The following GABRB1 variants were observed in gnomAD, a reference collection of about 807,000 sequenced individuals.
GABRB1 encodes gamma-aminobutyric acid type A receptor subunit beta1.
In GABRB1, 17 loss-of-function variants were observed where a neutral mutation model predicts 51.6. The ratio of observed to expected loss-of-function variants is 0.33; its 90% confidence interval spans 0.23 to 0.49. GABRB1 has a LOEUF of 0.49. Ranked by LOEUF, GABRB1 falls within the 20% of genes least tolerant of loss-of-function variation. GABRB1 has a pLI of 0.99. For synonymous variants in GABRB1, 247 were observed against 218.9 expected (o/e 1.13, Z -1.14); for missense variants, 410 against 600.6 (o/e 0.68, Z 3.32).
At chr4:47,195,388 GA>G (rs1362344410) in intron 4 of GABRB1, among the ~76,000 whole-genome samples, 2 of 33,834 alleles carry the variant, frequency 5.9e-5, no homozygotes, top group Non-Finnish European at 7.8e-5. Context: ...TAGATAGATA[GA>G]TAGATGATAG....
chr4:47,059,384 C>T (rs1726753185), intron 3 of GABRB1, among the ~76,000 whole-genome samples: 1 of 152,098 alleles, frequency 6.6e-6, no homozygotes, highest in Non-Finnish European at 1.5e-5. Flanking sequence ...ATTGCCTAGG[C>T]TAGTCTTAAA....
chr4:47,009,789 C>T (rs1328833823), intron 1 of GABRB1, among the ~76,000 whole-genome samples: 1 of 152,166 alleles, frequency 6.6e-6, no homozygotes, highest in African/African-American at 2.4e-5. Flanking sequence ...TATGTATTGA[C>T]CACTGAGTGA....
intron 5 of GABRB1, among the ~76,000 whole-genome samples, chr4:47,344,604 G>A (rs746384634): frequency 2.0e-5 from 3 of 152,024 alleles, no homozygotes; most frequent in African/African-American, 7.2e-5. Flanking sequence ...CAACACAAGC[G>A]CTATAACTCA....
chr4:47,098,804 CCA>C (rs1164921583), intron 3 of GABRB1, among the ~76,000 whole-genome samples: 1 of 152,006 alleles, frequency 6.6e-6, no homozygotes, highest in Non-Finnish European at 1.5e-5. Flanking sequence ...TGATGTCAAT[CCA>C]GAGTTTTGCT....
chr4:47,315,811 A>C (rs567934441), intron 4 of GABRB1, among the ~76,000 whole-genome samples: 1 of 152,110 alleles, frequency 6.6e-6, no homozygotes, highest in South Asian at 2.1e-4. Context: ...GTTCTCACTT[A>C]TAAGTGGGAG....
At chr4:47,081,970 C>G (rs563405052) in intron 3 of GABRB1, among the ~76,000 whole-genome samples, 1 of 151,968 alleles carries the variant, frequency 6.6e-6, no homozygotes, top group African/African-American at 2.4e-5. Flanking sequence ...GCTTCTTTCA[C>G]AAAATCATTA....
At chr4:47,396,213 AAG>A (rs1476499156) in intron 5 of GABRB1, among the ~76,000 whole-genome samples, 1 of 152,146 alleles carries the variant, frequency 6.6e-6, no homozygotes, top group African/African-American at 2.4e-5. Flanking sequence ...GCAGCAGGTG[AAG>A]AGAGAGAGAA....
intron 1 of GABRB1, among the ~76,000 whole-genome samples, chr4:47,019,887 A>AGT (rs1553909554): frequency 1.3e-4 from 10 of 78,278 alleles, no homozygotes; most frequent in African/African-American, 6.2e-4. Context: ...ATATATATAT[A>AGT]ATATATGTAT....
intron 4 of GABRB1, among the ~76,000 whole-genome samples, chr4:47,236,440 A>C (rs770530464): frequency 6.6e-6 from 1 of 152,172 alleles, no homozygotes; most frequent in African/African-American, 2.4e-5. Flanking sequence ...TATGTATCTC[A>C]GTGTATTAAT....
rs79502442 is a variant in GABRB1, at chr4:47,301,099, A to C, written c.462-19028A>C. Among the ~76,000 whole-genome samples the C allele has an allele frequency of 5.4e-3, 815 of 152,282 alleles. 5 individuals are homozygous for C. The highest frequency in any genetic ancestry group is 0.018 in the African/African-American group (765 of 41,550). ...AAAGAAACAAAAATCAGTAGAGGGA[A>C]GGAAAATAGAGAAATTCAGTCAGCA... On this transcript the variant is annotated intron_variant, in intron 4 of 8. Transcript: ENST00000295454.
chr4:47,071,688 G>T (rs374077831), intron 3 of GABRB1, among the ~76,000 whole-genome samples: 4 of 141,912 alleles, frequency 2.8e-5, no homozygotes, highest in African/African-American at 1.1e-4. Context: ...GGAAATACTA[G>T]CTTGCATAAG....
chr4:47,347,362 A>C (rs1247488052), intron 5 of GABRB1, among the ~76,000 whole-genome samples: 1 of 152,154 alleles, frequency 6.6e-6, no homozygotes, highest in Non-Finnish European at 1.5e-5. Flanking sequence ...TCATTAATTC[A>C]GCCACATGAC....
chr4:47,200,217 C>A (rs1719844455), intron 4 of GABRB1, among the ~76,000 whole-genome samples: 1 of 152,050 alleles, frequency 6.6e-6, no homozygotes, highest in African/African-American at 2.4e-5. Context: ...AATTGAAGTA[C>A]CAGAAGGAAC....
chr4:47,271,146 G>GA (rs945750721), intron 4 of GABRB1, among the ~76,000 whole-genome samples: 1 of 152,014 alleles, frequency 6.6e-6, no homozygotes, highest in African/African-American at 2.4e-5. Flanking sequence ...AATGTTAGGG[G>GA]AAAAGTGCAT....
chr4:47,031,916 C>G lies in GABRB1; in HGVS notation c.83C>G (p.Thr28Ser), dbSNP rs1321035228. ...CGGTCCCTACTTCTTCCCCTTAGCA[C>G]CAATGAACCCAGCAACATGTCATAC... ...MITMVCCAHS[T>S]NEPSNMSYVK... The change falls in exon 2 of 9, where the codon ACC becomes AGC. Residue 28 changes from threonine (T) to serine (S), a missense_variant and splice_region_variant. Thr to Ser is a moderately conservative substitution (Grantham distance 58). Around this residue, in one of 5 missense-constraint regions of GABRB1, gnomAD observed 56 missense variants for 54.8 expected, o/e 1.02. Transcript: ENST00000295454. 1 of 1,613,640 alleles carries G rather than the reference C, an allele frequency of 6.2e-7. No homozygotes were observed. The highest frequency in any genetic ancestry group is 1.1e-5 in the South Asian group (1 of 91,066).
In GABRB1 at chr4:47,186,616, C is replaced by G. The variant is rs977270936; in HGVS notation, c.461+25147C>G. Among the ~76,000 whole-genome samples, 17 of 151,790 alleles carry G rather than the reference C, an allele frequency of 1.1e-4. 1 individual carries two copies. Among genetic ancestry groups the G allele is most frequent in the Admixed American group, 9.2e-4 (14 of 15,190 alleles). On this transcript the variant is annotated intron_variant, in intron 4 of 8. Coordinates refer to ENST00000295454, the MANE Select transcript of GABRB1 (RefSeq NM_000812.4). Reference sequence around the variant, plus strand: ...TATTTTTCTATACCTTTAAGTGTCCCCACCTATCCTAAGCTGATGATTTTG... The same window carrying G: ...TATTTTTCTATACCTTTAAGTGTCCGCACCTATCCTAAGCTGATGATTTTG...
At chr4:47,023,233 GA>G (rs976754526) in intron 1 of GABRB1, among the ~76,000 whole-genome samples, 1 of 151,852 alleles carries the variant, frequency 6.6e-6, no homozygotes, top group Non-Finnish European at 1.5e-5. Flanking sequence ...TACAAAAACA[GA>G]AAAAATGATG....
At chr4:47,145,764 G>C in intron 3 of GABRB1, among the ~76,000 whole-genome samples, 1 of 152,058 alleles carries the variant, frequency 6.6e-6, no homozygotes, top group Non-Finnish European at 1.5e-5. Flanking sequence ...AACATCAGAA[G>C]GGGACTGGCT....
In GABRB1 at chr4:47,322,219, A is replaced by G. The variant is rs544932649; in HGVS notation, c.544+2010A>G. 2.4e-3 allele frequency among the ~76,000 whole-genome samples: 362 copies of G among 152,326 alleles called. 1 individual carries two copies. The highest frequency in any genetic ancestry group is 4.0e-3 in the Non-Finnish European group (273 of 68,022). ...GTGGTGACCCAGGCATATGACAATC[A>G]TTGAGGCAGTTTAGCAAGATGCAAC... is the stretch of plus-strand genomic sequence containing the variant. On this transcript the variant is annotated intron_variant, in intron 5 of 8. Coordinates refer to ENST00000295454, the MANE Select transcript of GABRB1 (RefSeq NM_000812.4).
Sources: gnomAD v4.1 joint callset for allele counts (sites outside exome capture counted in the v4.1 genomes callset) on GRCh38, gnomAD v4.1.1 for gene constraint, gnomAD v4.1.1 regional missense constraint, MANE v1.5 for transcripts, NCBI Gene and HGNC (gene_info 2026-07-23, HGNC 2026-07-21) for gene names.